HPGDS: variants seen among roughly 807,000 people sequenced by gnomAD.
The protein encoded by HPGDS is hematopoietic prostaglandin D synthase, also known as GST class-sigma.
HPGDS carries 26 observed loss-of-function variants against 23.1 expected under a neutral mutation model. That is an observed-to-expected ratio of 1.13 (90% CI 0.83 to 1.56). The LOEUF (loss-of-function observed/expected upper bound fraction) is 1.56. HPGDS is among the 40% of genes most tolerant of loss of function. The pLI is 0.00. For missense variants in HPGDS, 268 were observed against 236.4 expected, an observed-to-expected ratio of 1.13 and a Z score of -0.88; for synonymous variants, 95 against 77.9, an observed-to-expected ratio of 1.22 and a Z score of -1.16.
chr4:94,336,711 C>A (rs2126046427), intron 1 of HPGDS, among the ~76,000 whole-genome samples: 1 of 152,088 alleles, frequency 6.6e-6, no homozygotes, highest in South Asian at 2.1e-4. Flanking sequence ...CCCATCAGAA[C>A]AATGGAACTG....
intron 5 of HPGDS, among the ~76,000 whole-genome samples, chr4:94,300,417 G>T (rs1390695041): frequency 2.6e-5 from 4 of 152,038 alleles, no homozygotes; most frequent in Non-Finnish European, 5.9e-5. Flanking sequence ...CTGTTACTTT[G>T]GCTCCATATG....
intron 2 of HPGDS, among the ~76,000 whole-genome samples, chr4:94,329,397 C>G (rs1055073847): frequency 1.3e-5 from 2 of 152,118 alleles, no homozygotes; most frequent in Admixed American, 6.5e-5. Flanking sequence ...AAAATCAGAG[C>G]AAGCTCAGAG....
At chr4:94,340,181 C>A (rs1268941664) in intron 1 of HPGDS, among the ~76,000 whole-genome samples, 2 of 151,794 alleles carry the variant, frequency 1.3e-5, no homozygotes, top group Non-Finnish European at 2.9e-5. Flanking sequence ...TGGTCTCGAT[C>A]ATCTGACCTT....
Position 94,317,860 on chromosome 4 carries a change from A to G in HPGDS, c.226+13T>C, listed in dbSNP as rs55672062. The G allele has an allele frequency of 2.3e-3, 3,559 of 1,515,976 alleles. 68 individuals carry two copies. The African/African-American group carries it at 0.039, about 17-fold the overall frequency. The allele number at this position is 1,515,976 out of a possible 1,614,324, so 93.9% of individuals were successfully genotyped here. On this transcript the variant is annotated intron_variant, in intron 3 of 5. Coordinates refer to ENST00000295256, the MANE Select transcript of HPGDS (RefSeq NM_014485.3). ...TCAGTTATCAAAAATCTTAAGCACA[A>G]TAAACATGTTACCTGTGTTTTTGGT...
intron 1 of HPGDS, among the ~76,000 whole-genome samples, chr4:94,340,311 C>CTTTTCTTTT (rs1721126934): frequency 2.5e-4 from 6 of 23,678 alleles, no homozygotes; most frequent in Non-Finnish European, 4.3e-4. Context: ...CTTTCTTTCT[C>CTTTTCTTTT]TTTTTTTTTT....
intron 2 of HPGDS, among the ~76,000 whole-genome samples, chr4:94,324,269 T>C (rs536950775): frequency 3.3e-5 from 5 of 152,278 alleles, no homozygotes; most frequent in Middle Eastern, 3.4e-3. Flanking sequence ...AATGTCTTTG[T>C]GGTGTTCTCT....
intron 3 of HPGDS, among the ~76,000 whole-genome samples, chr4:94,314,300 C>T (rs533888243): frequency 1.6e-4 from 25 of 152,264 alleles, no homozygotes; most frequent in East Asian, 9.6e-4. Context: ...ATGATGGTGA[C>T]GTACAGATGG....
At position 94,334,490 on chromosome 4, in the gene HPGDS, T is replaced by A. The variant is rs532908574; in HGVS notation, c.133+7A>T. 6.3e-7 allele frequency: 1 copy of A among 1,583,062 alleles called. No homozygotes were observed. Among genetic ancestry groups the A allele is most frequent in the African/African-American group, 1.4e-5 (1 of 73,584 alleles). ...TTTTTCCTACATTTATTATTTTTGC[T>A]ACTTACTTGATTTGATTTCAGGCCA... On this transcript the variant is annotated splice_region_variant and intron_variant, in intron 2 of 5. Transcript: ENST00000295256.
In HPGDS at chr4:94,335,283, A is replaced by G. The variant is rs1056882342; in HGVS notation, c.-9-645T>C. 2.6e-5 allele frequency among the ~76,000 whole-genome samples: 4 copies of G among 152,334 alleles called. No individual in the cohort carries two copies. The East Asian group carries it at 5.8e-4, about 22-fold the overall frequency. The stretch of plus-strand genomic sequence containing the variant: ...ACCCCATCTCCAGACCTCTGCAGAG[A>G]TGGGGCAATCTTCCTTCATTCCCTC... On this transcript the variant is annotated intron_variant, in intron 1 of 5. Transcript: ENST00000295256.
chr4:94,325,456 C>G (rs1206800686), intron 2 of HPGDS, among the ~76,000 whole-genome samples: 1 of 152,174 alleles, frequency 6.6e-6, no homozygotes, highest in African/African-American at 2.4e-5. Context: ...AGCTTCCCAG[C>G]CGCTTTGTTT....
intron 1 of HPGDS, among the ~76,000 whole-genome samples, chr4:94,335,779 A>G (rs1411946329): frequency 6.6e-6 from 1 of 152,268 alleles, no homozygotes; most frequent in African/African-American, 2.4e-5. Flanking sequence ...GCATATAATG[A>G]TGATTATTTA....
At chr4:94,318,128 A>G (rs1313917225) in intron 2 of HPGDS, among the ~76,000 whole-genome samples, 163 bp from the exon 3 acceptor site, 1 of 152,210 alleles carries the variant, frequency 6.6e-6, no homozygotes, top group Non-Finnish European at 1.5e-5. Flanking sequence ...GAATATTTAT[A>G]TTTTATAAGT....
intron 2 of HPGDS, among the ~76,000 whole-genome samples, chr4:94,323,832 G>A (rs543212238): frequency 6.6e-6 from 1 of 152,300 alleles, no homozygotes; most frequent in African/African-American, 2.4e-5. Flanking sequence ...TTGCCCATTA[G>A]TTGATGCAGT....
chr4:94,330,980 C>CA (rs1756725509), intron 2 of HPGDS, among the ~76,000 whole-genome samples: 1 of 151,898 alleles, frequency 6.6e-6, no homozygotes, highest in African/African-American at 2.4e-5. Flanking sequence ...AATTTATAGA[C>CA]AAAAAAAGTA....
intron 3 of HPGDS, among the ~76,000 whole-genome samples, chr4:94,313,112 T>A (rs1433744862): frequency 6.6e-6 from 1 of 152,260 alleles, no homozygotes; most frequent in Non-Finnish European, 1.5e-5. Flanking sequence ...CTGTGTCTTT[T>A]AATTGGAGCA....
intron 2 of HPGDS, among the ~76,000 whole-genome samples, chr4:94,332,400 G>T (rs1240650584): frequency 3.9e-5 from 6 of 152,202 alleles, no homozygotes. Flanking sequence ...CCTTGCTGGT[G>T]GGGGGCAGCC....
intron 3 of HPGDS, among the ~76,000 whole-genome samples, chr4:94,314,737 G>T (rs181988337): frequency 1.3e-5 from 2 of 152,284 alleles, no homozygotes; most frequent in East Asian, 3.9e-4. Context: ...GCCCCCAGAG[G>T]TGGAGTCTAC....
chr4:94,312,159 G>C (rs191924955), intron 3 of HPGDS, among the ~76,000 whole-genome samples: 4 of 152,116 alleles, frequency 2.6e-5, no homozygotes, highest in East Asian at 1.9e-4. Flanking sequence ...TCTGATTTTA[G>C]TTATTTCTTG....
intron 3 of HPGDS, among the ~76,000 whole-genome samples, chr4:94,316,004 T>C (rs529206906): frequency 6.6e-6 from 1 of 152,276 alleles, no homozygotes; most frequent in Admixed American, 6.5e-5. Flanking sequence ...TCAAATGCAG[T>C]CATCACACCT....
Sources: allele counts gnomAD v4.1 joint callset (sites outside exome capture counted in the v4.1 genomes callset), GRCh38; gene constraint gnomAD v4.1.1; transcripts MANE v1.5; gene names NCBI Gene and HGNC (gene_info 2026-07-23, HGNC 2026-07-21).